BANP: variants seen among roughly 807,000 people sequenced by gnomAD.
The protein encoded by BANP is protein BANP.
In BANP, 11 loss-of-function variants were observed where a neutral mutation model predicts 68.1. The ratio of observed to expected loss-of-function variants is 0.16; its 90% CI spans 0.10 to 0.27. BANP has a LOEUF of 0.27. Ranked by LOEUF, BANP falls within the 10% of genes least tolerant of loss-of-function variation. The pLI, the probability that BANP is intolerant of heterozygous loss-of-function variation, is 1.00. For synonymous variants in BANP, 329 were observed against 303.2 expected, an observed-to-expected ratio of 1.09 and a Z score of -0.88; for missense variants, 504 against 722.7, an observed-to-expected ratio of 0.70 and a Z score of 3.47.
intron 4 of BANP, among the ~76,000 whole-genome samples, chr16:87,993,964 C>T (rs888150088): frequency 2.0e-5 from 3 of 151,740 alleles, no homozygotes; most frequent in South Asian, 4.2e-4. Flanking sequence ...AGTGCTTGTC[C>T]CAGCCTAGAA....
At chr16:88,073,839 T>G (rs1007392484) in intron 13 of BANP, among the ~76,000 whole-genome samples, 2 of 152,248 alleles carry the variant, frequency 1.3e-5, no homozygotes, top group Admixed American at 1.3e-4. Context: ...CCATGGTTGG[T>G]GTTTACACCC....
intron 2 of BANP, among the ~76,000 whole-genome samples, chr16:87,976,755 A>C (rs1400306326): frequency 1.3e-5 from 2 of 152,188 alleles, no homozygotes; most frequent in Non-Finnish European, 2.9e-5. Context: ...GGCAGTAGAA[A>C]TAGTTTTGGG....
chr16:87,993,790 G>C (rs1403044103), intron 4 of BANP, among the ~76,000 whole-genome samples: 1 of 152,028 alleles, frequency 6.6e-6, no homozygotes, highest in Admixed American at 6.5e-5. Flanking sequence ...TATTACAGAC[G>C]GGGTTTCACC....
At position 87,992,667 on chromosome 16, in the gene BANP, G is replaced by A. The variant is rs573095984; in HGVS notation, c.362+8408G>A. ...AAATTAGCCAGGTGTGGTAGCGGGC[G>A]CCTGTAGTCTCAGCTACTCAGGAGG... On this transcript the variant is annotated intron_variant, in intron 4 of 13. Coordinates refer to ENST00000682872, the MANE Select transcript of BANP (RefSeq NM_001386991.1). 6.6e-5 allele frequency among the ~76,000 whole-genome samples: 10 copies of A among 151,936 alleles called. No individual in the cohort carries two copies. In the East Asian group the frequency reaches 1.7e-3, roughly 26 times the overall value.
intron 10 of BANP, 74 bp from the exon 11 acceptor site, chr16:88,037,899 G>C: frequency 6.9e-7 from 1 of 1,450,926 alleles, no homozygotes; most frequent in Non-Finnish European, 9.7e-7. Context: ...GATGTGTCTT[G>C]GCGTGTTTGC....
At chr16:87,975,509 T>C (rs1444746439) in intron 2 of BANP, among the ~76,000 whole-genome samples, 1 of 152,136 alleles carries the variant, frequency 6.6e-6, no homozygotes, top group South Asian at 2.1e-4. Context: ...ATCTTTACCA[T>C]GTTGTATGTG....
At chr16:88,052,636 A>G (rs1567880401) in intron 11 of BANP, among the ~76,000 whole-genome samples, 1 of 151,730 alleles carries the variant, frequency 6.6e-6, no homozygotes, top group African/African-American at 2.4e-5. Context: ...CCTCACCATT[A>G]TCATAATTGC....
rs956557526 is a variant in BANP, at chr16:88,057,305, G to A, written c.1312-7962G>A. ...TCTGTGGGGAGCAGCTAATGGATGT[G>A]TAGACTCTTTTGCCCCAAGAATTAT... On this transcript the variant is annotated intron_variant, in intron 11 of 13. Coordinates refer to ENST00000682872, the MANE Select transcript of BANP (RefSeq NM_001386991.1). The surrounding 1 kb of genome is among the most constrained non-coding windows in gnomAD (Gnocchi z 4.6). 6.6e-6 allele frequency among the ~76,000 whole-genome samples: 1 copy of A among 152,162 alleles called. No homozygotes were observed. Among genetic ancestry groups the A allele is most frequent in the Admixed American group, 6.5e-5 (1 of 15,284 alleles).
intron 1 of BANP, among the ~76,000 whole-genome samples, chr16:87,951,862 G>A (rs1382195008): frequency 1.3e-5 from 2 of 152,100 alleles, no homozygotes; most frequent in Non-Finnish European, 1.5e-5. Context: ...CCACGGCGGG[G>A]AGACTGGAAA....
At chr16:87,972,435 T>G (rs2061296840) in intron 1 of BANP, among the ~76,000 whole-genome samples, 1 of 147,258 alleles carries the variant, frequency 6.8e-6, no homozygotes, top group African/African-American at 2.6e-5. Context: ...TTTTTTTCTT[T>G]TTAGTTTTCG....
intron 1 of BANP, among the ~76,000 whole-genome samples, chr16:87,951,719 C>T (rs1232574049): frequency 1.3e-5 from 2 of 150,582 alleles, no homozygotes; most frequent in African/African-American, 2.4e-5. Context: ...AGAGGGGCTC[C>T]CGCTTCCTCG....
Position 88,004,298 on chromosome 16 carries a change from C to T in BANP, c.366C>T (p.Val122=). The part of the protein sequence containing the change: ...ATQTCNKVRC[V]VPQTTVILNN... ...TTGTGATTCTTTTGTTCCCTAGCGT[C>T]GTCCCCCAGACTACAGTAATACTCA... The change falls in exon 5 of 14, where the codon GTC becomes GTT. Residue 122 remains valine, a synonymous_variant. Coordinates refer to ENST00000682872, the MANE Select transcript of BANP (RefSeq NM_001386991.1). This position sits in a 1 kb window ranked among gnomAD's most constrained non-coding sequence, Gnocchi z 7.0. 10 of 1,525,726 alleles carry T rather than the reference C, an allele frequency of 6.6e-6. No homozygotes were observed. Among genetic ancestry groups the T allele is most frequent in the Non-Finnish European group, 8.9e-6 (10 of 1,124,148 alleles). 94.5% of individuals were successfully genotyped at this position (1,525,726 alleles called of 1,614,324 possible).
At chr16:88,030,957 G>A (rs972445157) in intron 8 of BANP, among the ~76,000 whole-genome samples, 4 of 152,220 alleles carry the variant, frequency 2.6e-5, no homozygotes, top group South Asian at 2.1e-4. Context: ...GAGAAGTAGC[G>A]CATAAGTAAA....
chr16:88,030,271 G>C (rs1222990305), intron 8 of BANP, among the ~76,000 whole-genome samples: 1 of 152,226 alleles, frequency 6.6e-6, no homozygotes, highest in East Asian at 1.9e-4. Context: ...AAGGGACCCT[G>C]TCTGGAATTA....
intron 2 of BANP, chr16:87,980,786 C>T: frequency 2.1e-6 from 1 of 468,820 alleles, no homozygotes; most frequent in South Asian, 2.4e-5. Flanking sequence ...AAGTCAGAAG[C>T]TTGCAGGTTT....
intron 11 of BANP, among the ~76,000 whole-genome samples, chr16:88,063,136 C>T (rs1460351475): frequency 1.3e-5 from 2 of 152,240 alleles, no homozygotes; most frequent in African/African-American, 4.8e-5. Context: ...GGAGGGCGCA[C>T]CGCGGCCTTC....
In BANP at chr16:88,076,669, C is replaced by A. The variant is rs370081613; in HGVS notation, c.*8C>A. On this transcript the variant is annotated 3_prime_UTR_variant, in exon 14 of 14. Coordinates refer to ENST00000682872, the MANE Select transcript of BANP (RefSeq NM_001386991.1). ...GCCATCCAGATTCAGTGAGCGGTGC[C>A]CATGGCACCAGGAGCCCCTCGCCGG... 2 of 1,605,276 alleles carry A rather than the reference C, an allele frequency of 1.2e-6. No individual in the cohort carries two copies. The highest frequency in any genetic ancestry group is 1.7e-6 in the Non-Finnish European group (2 of 1,178,864).
At chr16:88,038,094 G>T (rs2079831735) in intron 11 of BANP, 83 bp downstream of exon 11, 3 of 1,426,800 alleles carry the variant, frequency 2.1e-6, no homozygotes, top group Non-Finnish European at 2.9e-6. Flanking sequence ...GGACGGTCAG[G>T]TGAGTGCCCT....
At position 88,076,658 on chromosome 16, in the gene BANP, G is replaced by T. The variant is rs754326185; in HGVS notation, c.1590G>T (p.Gln530His). ...MQLEHGAIQI[Q>H] is the part of the protein sequence containing the mutation. Reference sequence around the variant, plus strand: ...TCGAGCACGGGGCCATCCAGATTCAGTGAGCGGTGCCCATGGCACCAGGAG... The same window carrying T: ...TCGAGCACGGGGCCATCCAGATTCATTGAGCGGTGCCCATGGCACCAGGAG... Residue 530 changes from glutamine (Q) to histidine (H), a missense_variant, in exon 14 of 14, where the codon CAG (glutamine) becomes CAT (histidine). This residue lies in a region of BANP where 223 missense variants were observed against 246.2 expected (regional missense o/e 0.91). Coordinates refer to ENST00000682872, the MANE Select transcript of BANP (RefSeq NM_001386991.1). 1.9e-6 allele frequency: 3 copies of T among 1,607,920 alleles called. No homozygotes were observed. The highest frequency in any genetic ancestry group is 2.5e-6 in the Non-Finnish European group (3 of 1,179,472).
Sources: gnomAD v4.1 joint callset for allele counts (sites outside exome capture counted in the v4.1 genomes callset) on GRCh38, gnomAD v4.1.1 for gene constraint, gnomAD v4.1.1 regional missense constraint, Gnocchi (gnomAD v3.1) non-coding constraint, MANE v1.5 for transcripts, NCBI Gene and HGNC (gene_info 2026-07-23, HGNC 2026-07-21) for gene names.